PDE4D: variants seen among roughly 807,000 people sequenced by gnomAD.
PDE4D encodes the protein phosphodiesterase 4D, also known as 3',5'-cyclic-AMP phosphodiesterase 4D.
Under a neutral mutation model 87.4 loss-of-function variants are expected in PDE4D, and 24 were observed. The observed-to-expected ratio is 0.27, with a 90% CI of 0.20 to 0.39. The LOEUF is 0.39. PDE4D is among the 10% of genes least tolerant of loss of function. The pLI, the probability that PDE4D is intolerant of heterozygous loss-of-function variation, is 1.00. For synonymous variants in PDE4D, 384 were observed against 383.2 expected, an observed-to-expected ratio of 1.00 and a Z score of -0.02; for missense variants, 714 against 1,041.0, an observed-to-expected ratio of 0.69 and a Z score of 4.32.
rs900375701 is a variant in PDE4D at position 60,009,677 on chromosome 5, T to C, written c.43-20960A>G. The stretch of plus-strand genomic sequence containing the variant: ...CAAACCAGGGACCTCAAATCAAAAG[T>C]GGTAAGAAGCTCTGTTCACAGCATT... On this transcript the variant is annotated intron_variant, in intron 2 of 16. Transcript: ENST00000502484. Among the ~76,000 whole-genome samples, 13 of 152,130 alleles carry C rather than the reference T, an allele frequency of 8.5e-5. No individual in the cohort carries two copies. The East Asian group carries it at 2.1e-3, about 25-fold the overall frequency.
chr5:60,476,244 G>A (rs1748311026), intron 1 of PDE4D, among the ~76,000 whole-genome samples: 1 of 152,154 alleles, frequency 6.6e-6, no homozygotes, highest in South Asian at 2.1e-4. Context: ...GCACCTAAAA[G>A]TAACTGAGAT....
At chr5:59,609,650 T>C (rs1828719534) in intron 1 of PDE4D, among the ~76,000 whole-genome samples, 1 of 152,108 alleles carries the variant, frequency 6.6e-6, no homozygotes, top group Non-Finnish European at 1.5e-5. Context: ...ACATGTAGCT[T>C]GAGTGAGAAA....
chr5:59,389,683 A>T (rs1787849834), intron 1 of PDE4D, among the ~76,000 whole-genome samples: 1 of 152,156 alleles, frequency 6.6e-6, no homozygotes, highest in Non-Finnish European at 1.5e-5. Context: ...AATAGCCAAG[A>T]TATGGAATCA....
At chr5:59,410,356 T>C (rs897959133) in intron 1 of PDE4D, among the ~76,000 whole-genome samples, 4 of 152,108 alleles carry the variant, frequency 2.6e-5, no homozygotes, top group Admixed American at 1.3e-4. Flanking sequence ...AAGTGATTCT[T>C]GTGCCTCAGC....
chr5:59,586,431 AT>A, intron 1 of PDE4D: 1 of 1,582,996 alleles, frequency 6.3e-7, no homozygotes. Flanking sequence ...ACATGTAGTG[AT>A]TTTTACAGAT....
At chr5:59,668,863 A>AGAG (rs1746634823) in intron 1 of PDE4D, among the ~76,000 whole-genome samples, 1 of 76,522 alleles carries the variant, frequency 1.3e-5, no homozygotes. Flanking sequence ...AAGAAGAAGA[A>AGAG]GAAGAAGAAG....
At chr5:59,192,879 G>A (rs774988117) in intron 3 of PDE4D, among the ~76,000 whole-genome samples, 16 of 152,180 alleles carry the variant, frequency 1.1e-4, no homozygotes, top group Admixed American at 3.3e-4. Flanking sequence ...TGGGATAAGA[G>A]GTCTCTAGGT....
chr5:59,569,551 T>C (rs1445007822), intron 1 of PDE4D, among the ~76,000 whole-genome samples: 3 of 152,200 alleles, frequency 2.0e-5, no homozygotes, highest in Admixed American at 6.5e-5. Context: ...TGTCCATCCT[T>C]ACTTCGCCAC....
intron 1 of PDE4D, among the ~76,000 whole-genome samples, chr5:60,333,324 T>A (rs1390727816): frequency 6.6e-6 from 1 of 152,160 alleles, no homozygotes; most frequent in Non-Finnish European, 1.5e-5. Flanking sequence ...CATAAAACTG[T>A]CATCATTTCC....
intron 5 of PDE4D, chr5:59,039,229 G>A (rs1759158533): frequency 2.4e-6 from 3 of 1,256,300 alleles, no homozygotes; most frequent in Non-Finnish European, 3.0e-6. Context: ...CGTGCAAAGA[G>A]CGGCGAGCCA....
At chr5:59,192,769 C>G (rs1000206541) in intron 3 of PDE4D, among the ~76,000 whole-genome samples, 1 of 152,178 alleles carries the variant, frequency 6.6e-6, no homozygotes, top group African/African-American at 2.4e-5. Flanking sequence ...TCAACTTCTC[C>G]TGCACACTAG....
intron 1 of PDE4D, among the ~76,000 whole-genome samples, chr5:60,274,444 T>C (rs537995033): frequency 6.6e-6 from 1 of 152,264 alleles, no homozygotes; most frequent in Admixed American, 6.5e-5. Flanking sequence ...CACTGCAATT[T>C]CCACCTCCCG....
At chr5:60,205,257 TG>T (rs998516720) in intron 1 of PDE4D, among the ~76,000 whole-genome samples, 7 of 152,242 alleles carry the variant, frequency 4.6e-5, no homozygotes, top group African/African-American at 1.7e-4. Context: ...GGCCGGCCCA[TG>T]GGGTGCCACC....
In PDE4D at chr5:59,625,993, CAGG is replaced by C. The variant is rs1830856856; in HGVS notation, c.455+267172_455+267174del. Reference sequence around the variant, plus strand: ...GTCCCAGCTACTTGGGTGGCTGAGGCAGGAGAATGGCATGAACCCAGGAGGCGG... The same window carrying C: ...GTCCCAGCTACTTGGGTGGCTGAGGCAGAATGGCATGAACCCAGGAGGCGG... On this transcript the variant is annotated intron_variant, in intron 1 of 14. Transcript: ENST00000340635. Among the ~76,000 whole-genome samples the C allele has an allele frequency of 2.6e-5, 4 of 152,264 alleles. No homozygotes were observed. The South Asian group carries it at 8.3e-4, about 32-fold the overall frequency.
At chr5:59,184,716 A>G (rs536631579) in intron 4 of PDE4D, among the ~76,000 whole-genome samples, 1 of 152,306 alleles carries the variant, frequency 6.6e-6, no homozygotes, top group African/African-American at 2.4e-5. Flanking sequence ...CATATAAACC[A>G]CAATTCTATT....
At chr5:60,341,983 CA>C (rs2149899427) in intron 1 of PDE4D, among the ~76,000 whole-genome samples, 1 of 152,274 alleles carries the variant, frequency 6.6e-6, no homozygotes, top group East Asian at 1.9e-4. Context: ...AAACCTCTTG[CA>C]AAGCAAATGC....
chr5:60,279,874 G>A (rs547551006), intron 1 of PDE4D, among the ~76,000 whole-genome samples: 4 of 151,808 alleles, frequency 2.6e-5, no homozygotes, highest in Admixed American at 6.6e-5. Flanking sequence ...TAGAGATGGG[G>A]TTTCACTATA....
chr5:59,248,877 T>G (rs781363509), intron 1 of PDE4D, among the ~76,000 whole-genome samples: 5 of 152,118 alleles, frequency 3.3e-5, no homozygotes, highest in South Asian at 4.1e-4. Context: ...CCAAACAGAT[T>G]AAGAGCTAGG....
At chr5:59,293,341 A>T (rs1313631194) in intron 1 of PDE4D, among the ~76,000 whole-genome samples, 1 of 152,144 alleles carries the variant, frequency 6.6e-6, no homozygotes, top group Non-Finnish European at 1.5e-5. Context: ...TGGCCCCACC[A>T]GGATGAGAGT....
Sources: allele counts gnomAD v4.1 joint callset (sites outside exome capture counted in the v4.1 genomes callset), GRCh38; gene constraint gnomAD v4.1.1; transcripts MANE v1.5; gene names NCBI Gene and HGNC (gene_info 2026-07-23, HGNC 2026-07-21).